Variants in REELD1 observed in about 807,000 individuals in gnomAD.
REELD1 encodes the protein reelin domain-containing protein 1.
Under a neutral mutation model 6.3 loss-of-function variants are expected in REELD1, and 12 were observed. The ratio of observed to expected loss-of-function variants is 1.89; its 90% CI spans 1.21 to 3.07. REELD1 has a LOEUF of 3.07. Ranked by LOEUF, REELD1 falls within the 30% of genes most tolerant of loss-of-function variation. The pLI is 0.00. For missense variants in REELD1, 163 were observed against 86.8 expected (o/e 1.88, Z -3.49); for synonymous variants, 57 against 33.6 (o/e 1.70, Z -2.42).
intron 6 of REELD1, 125 bp downstream of exon 6, chr4:146,228,647 G>A: frequency 1.7e-6 from 1 of 598,888 alleles, no homozygotes; most frequent in Non-Finnish European, 3.0e-6. Context: ...GAAAAACCCA[G>A]GATGTAGCAG....
chr4:146,229,859 G>C lies in REELD1; in HGVS notation c.973-46G>C. 3 of 398,512 alleles carry C rather than the reference G, an allele frequency of 7.5e-6. No homozygotes were observed. In the East Asian group the frequency reaches 1.1e-4, roughly 14 times the overall value. The allele number at this position is 398,512 out of a possible 1,614,324, so 24.7% of individuals were successfully genotyped here. ...GTTACAAAGTTCAGTGGCAGCTTAG[G>C]AGGAAGACCAGTACCTTTGACTCTT... On this transcript the variant is annotated intron_variant, in intron 7 of 7. Transcript: ENST00000623665.
intron 3 of REELD1, among the ~76,000 whole-genome samples, chr4:146,217,474 G>A (rs1169384593): frequency 6.6e-6 from 1 of 152,036 alleles, no homozygotes; most frequent in Non-Finnish European, 1.5e-5. Flanking sequence ...GAGCTCCTGG[G>A]CTCAAGTGAA....
intron 5 of REELD1, among the ~76,000 whole-genome samples, 187 bp from the exon 6 acceptor site, chr4:146,228,023 G>A (rs559452150): frequency 2.6e-5 from 4 of 152,210 alleles, no homozygotes; most frequent in South Asian, 2.1e-4. Flanking sequence ...GCCCTTGCGT[G>A]GTCAGGGGCT....
intron 1 of REELD1, among the ~76,000 whole-genome samples, 157 bp downstream of exon 1, chr4:146,214,851 G>A (rs1730796704): frequency 1.3e-5 from 2 of 152,134 alleles, no homozygotes; most frequent in South Asian, 2.1e-4. Context: ...GCTCCAAGTG[G>A]ATAGTTTTCA....
At position 146,230,092 on chromosome 4, in the gene REELD1, C is replaced by A; in HGVS notation, c.1160C>A (p.Ala387Glu). ...CCTGCTGCTGGTGACCAGTCAGAGG[C>A]ATCCAGGGCCTCTGCCAGCTTCTTA... is the stretch of plus-strand genomic sequence containing the variant. ...GLPAAGDQSE[A>E]SRASASFLPQ... Residue 387 changes from alanine (A) to glutamate (E), a missense_variant, in exon 8 of 8, where the codon GCA becomes GAA. Transcript: ENST00000623665. 2.5e-6 allele frequency: 1 copy of A among 398,906 alleles called. No homozygotes were observed. The highest frequency in any genetic ancestry group is 4.4e-6 in the Non-Finnish European group (1 of 226,266). 24.7% of individuals were successfully genotyped at this position (398,906 alleles called of 1,614,324 possible). A position where few individuals can be genotyped will look rare whatever the true frequency, so the allele number is the denominator to read the frequency against.
At position 146,230,068 on chromosome 4, in the gene REELD1, C is replaced by A. The variant is rs892351518; in HGVS notation, c.1136C>A (p.Pro379His). The change falls in exon 8 of 8, where the codon CCT (proline) becomes CAT (histidine). Residue 379 changes from proline to histidine, a missense_variant. Physicochemically the swap from Pro to His is moderately conservative, Grantham distance 77. Transcript: ENST00000623665. Reference sequence around the variant, plus strand: ...CAGACCTCTGGCACTTCTGGGCTACCTGCTGCTGGTGACCAGTCAGAGGCA... The same window carrying A: ...CAGACCTCTGGCACTTCTGGGCTACATGCTGCTGGTGACCAGTCAGAGGCA... ...VLQTSGTSGL[P>H]AAGDQSEASR... is the part of the protein sequence containing the mutation. 1 of 398,708 alleles carries A rather than the reference C, an allele frequency of 2.5e-6. No homozygotes were observed. Among genetic ancestry groups the A allele is most frequent in the Non-Finnish European group, 4.4e-6 (1 of 226,232 alleles). The allele number at this position is 398,708 out of a possible 1,614,324, so 24.7% of individuals were successfully genotyped here.
At chr4:146,217,661 TA>T (rs951484654) in intron 3 of REELD1, among the ~76,000 whole-genome samples, 1 of 152,264 alleles carries the variant, frequency 6.6e-6, no homozygotes, top group Non-Finnish European at 1.5e-5. Flanking sequence ...AAGACACAAA[TA>T]TTATTATAGA....
At chr4:146,223,786 C>T (rs372780533) in intron 4 of REELD1, among the ~76,000 whole-genome samples, 3 of 152,226 alleles carry the variant, frequency 2.0e-5, no homozygotes, top group Non-Finnish European at 4.4e-5. Flanking sequence ...AACTATGACG[C>T]TCACTGCGTC....
chr4:146,231,670 T>G lies in REELD1; in HGVS notation c.*1157T>G, dbSNP rs1482313508. On this transcript the variant is annotated 3_prime_UTR_variant, in exon 8 of 8. Transcript: ENST00000623665. ...CACCTAATTCATACGGGAACTGTGC[T>G]AAGTAGTTTGCGTATATCTTCACAT... Among the ~76,000 whole-genome samples, 1 of 152,238 alleles carries G rather than the reference T, an allele frequency of 6.6e-6. No individual in the cohort carries two copies. Among genetic ancestry groups the G allele is most frequent in the Non-Finnish European group, 1.5e-5 (1 of 68,048 alleles).
At chr4:146,219,980 G>A (rs748582687) in intron 3 of REELD1, among the ~76,000 whole-genome samples, 14 of 152,184 alleles carry the variant, frequency 9.2e-5, no homozygotes, top group Non-Finnish European at 2.1e-4. Flanking sequence ...GTCTCACTCT[G>A]TCACCCAGGT....
In REELD1 at chr4:146,229,078, G is replaced by A. The variant is rs1479841624; in HGVS notation, c.962G>A (p.Gly321Glu). 2 of 702,232 alleles carry A rather than the reference G, an allele frequency of 2.8e-6. No homozygotes were observed. Among genetic ancestry groups the A allele is most frequent in the East Asian group, 5.4e-5 (2 of 37,288 alleles). The allele number at this position is 702,232 out of a possible 1,614,324, so 43.5% of individuals were successfully genotyped here. ...CTGGAAACTTGCCTGTCCTCAGATG[G>A]GGGTGAACAGGTAAGAACCTGAACT... Reference protein sequence around the residue: ...DSLETCLSSDGGEQDKTKASN... With the variant: ...DSLETCLSSDEGEQDKTKASN... The change falls in exon 7 of 8, where the codon GGG becomes GAG. Residue 321 changes from glycine (G) to glutamate (E), a missense_variant. Coordinates refer to ENST00000623665, the MANE Select transcript of REELD1 (RefSeq NM_001354631.1).
chr4:146,229,058 A>G lies in REELD1; in HGVS notation c.942A>G (p.Glu314=), dbSNP rs1731079692. Residue 314 remains glutamate, a synonymous_variant, in exon 7 of 8, where the codon GAA becomes GAG. Transcript: ENST00000623665. ...ATGATCCCAGCTTTGATTCACTGGA[A>G]ACTTGCCTGTCCTCAGATGGGGGTG... is the stretch of plus-strand genomic sequence containing the variant. ...TQDDPSFDSL[E]TCLSSDGGEQ... The G allele has an allele frequency of 2.8e-6, 2 of 702,340 alleles. No homozygotes were observed. The highest frequency in any genetic ancestry group is 5.2e-6 in the Non-Finnish European group (2 of 384,882). The allele number at this position is 702,340 out of a possible 1,614,324, so 43.5% of individuals were successfully genotyped here.
rs1730987504 is a variant in REELD1, at chr4:146,224,584, G to C, written c.571G>C (p.Gly191Arg). 1.4e-6 allele frequency: 1 copy of C among 702,080 alleles called. No homozygotes were observed. The highest frequency in any genetic ancestry group is 2.0e-5 in the Admixed American group (1 of 49,982). The allele number at this position is 702,080 out of a possible 1,614,324, so 43.5% of individuals were successfully genotyped here. The change falls in exon 5 of 8, where the codon GGC becomes CGC. Residue 191 changes from glycine to arginine, a missense_variant. By Grantham distance (125) the Gly-to-Arg change is moderately radical. Coordinates refer to ENST00000623665, the MANE Select transcript of REELD1 (RefSeq NM_001354631.1). Reference protein sequence around the residue: ...LLMPNLHQRLGDVEGAAPAPR... With the variant: ...LLMPNLHQRLRDVEGAAPAPR... ...GATGCCAAACCTTCACCAGAGGCTG[G>C]GCGATGTTGAAGGAGCTGCTCCAGG...
chr4:146,229,917 G>T lies in REELD1; in HGVS notation c.985G>T (p.Ala329Ser). ...TTTGTTTTTCTAGGACAAGACGAAG[G>T]CCTCTAACAGGACCGTGACACAGCC... is the stretch of plus-strand genomic sequence containing the variant. Reference protein sequence around the residue: ...SDGGEQDKTKASNRTVTQPPL... With the variant: ...SDGGEQDKTKSSNRTVTQPPL... The change falls in exon 8 of 8, where the codon GCC becomes TCC. Residue 329 changes from alanine to serine, a missense_variant. By Grantham distance (99) the Ala-to-Ser change is moderately conservative. Coordinates refer to ENST00000623665, the MANE Select transcript of REELD1 (RefSeq NM_001354631.1). 2.5e-6 allele frequency: 1 copy of T among 398,596 alleles called. No individual in the cohort carries two copies. The allele number at this position is 398,596 out of a possible 1,614,324, so 24.7% of individuals were successfully genotyped here. A position where few individuals can be genotyped will look rare whatever the true frequency, so the allele number is the denominator to read the frequency against.
At position 146,229,951 on chromosome 4, in the gene REELD1, C is replaced by G. The variant is rs922799101; in HGVS notation, c.1019C>G (p.Ser340Cys). 1 of 398,634 alleles carries G rather than the reference C, an allele frequency of 2.5e-6. No homozygotes were observed. The highest frequency in any genetic ancestry group is 4.4e-6 in the Non-Finnish European group (1 of 226,174). The allele number at this position is 398,634 out of a possible 1,614,324, so 24.7% of individuals were successfully genotyped here. Residue 340 changes from serine to cysteine, a missense_variant, in exon 8 of 8, where the codon TCC becomes TGC. By Grantham distance (112) the Ser-to-Cys change is moderately radical (BLOSUM62 -1). Transcript: ENST00000623665. ...AGGACCGTGACACAGCCTCCTCTGT[C>G]CACCGTCCAGCTTACCTATCCCCAG... Reference protein sequence around the residue: ...SNRTVTQPPLSTVQLTYPQCL... With the variant: ...SNRTVTQPPLCTVQLTYPQCL...
At chr4:146,222,125 A>T (rs1323505716) in intron 3 of REELD1, among the ~76,000 whole-genome samples, 1 of 152,082 alleles carries the variant, frequency 6.6e-6, no homozygotes, top group African/African-American at 2.4e-5. Flanking sequence ...TAAATCCAAT[A>T]TTTATAAAAA....
At chr4:146,229,822 G>A (rs1560727635) in intron 7 of REELD1, 83 bp from the exon 8 acceptor site, 1 of 397,574 alleles carries the variant, frequency 2.5e-6, no homozygotes, top group East Asian at 3.6e-5. Flanking sequence ...AGTCTTTAAG[G>A]AACCCCAGTT....
chr4:146,222,696 G>A, intron 4 of REELD1, 117 bp downstream of exon 4: 2 of 397,194 alleles, frequency 5.0e-6, no homozygotes, highest in South Asian at 1.4e-4. Flanking sequence ...CCACCTTATA[G>A]CAAGGACAGG....
chr4:146,219,455 C>T (rs1009584243), intron 3 of REELD1, among the ~76,000 whole-genome samples: 1 of 152,178 alleles, frequency 6.6e-6, no homozygotes, highest in African/African-American at 2.4e-5. Context: ...TACTCAACTC[C>T]TAGCATAGTG....
Sources: allele counts gnomAD v4.1 joint callset (sites outside exome capture counted in the v4.1 genomes callset), GRCh38; gene constraint gnomAD v4.1.1; transcripts MANE v1.5; gene names NCBI Gene and HGNC (gene_info 2026-07-23, HGNC 2026-07-21).